The following PLSCR4 variants were observed in gnomAD, a reference collection of about 807,000 sequenced individuals.
The protein encoded by PLSCR4 is Ca(2+)-dependent phospholipid scramblase 4.
Under a neutral mutation model 36.3 loss-of-function variants are expected in PLSCR4, and 25 were observed. The observed-to-expected ratio is 0.69, with a 90% confidence interval of 0.50 to 0.96. PLSCR4 has a LOEUF of 0.96. Among genes scored for constraint, PLSCR4 ranks in the 40% least tolerant of loss-of-function variants. PLSCR4 has a pLI of 0.00. For synonymous variants in PLSCR4, 122 were observed against 132.9 expected (o/e 0.92, Z 0.56); for missense variants, 408 against 414.7 (o/e 0.98, Z 0.14).
intron 1 of PLSCR4, among the ~76,000 whole-genome samples, chr3:146,241,727 G>A (rs1057232017): frequency 5.9e-5 from 9 of 152,040 alleles, no homozygotes; most frequent in Admixed American, 2.0e-4. Flanking sequence ...TATTTTCAAC[G>A]TACGGAACAT....
intron 5 of PLSCR4, among the ~76,000 whole-genome samples, chr3:146,200,455 A>G (rs575345375): frequency 1.3e-5 from 2 of 152,216 alleles, no homozygotes; most frequent in African/African-American, 2.4e-5. Flanking sequence ...CAAACCAAGA[A>G]AAGTCAAAGG....
intron 1 of PLSCR4, among the ~76,000 whole-genome samples, chr3:146,242,201 C>A (rs1296963786): frequency 6.6e-6 from 1 of 152,160 alleles, no homozygotes; most frequent in African/African-American, 2.4e-5. Context: ...CCATGTTGCT[C>A]GGTGGAGCTC....
At chr3:146,210,269 G>C (rs2034549777) in intron 3 of PLSCR4, among the ~76,000 whole-genome samples, 1 of 151,508 alleles carries the variant, frequency 6.6e-6, no homozygotes, top group African/African-American at 2.4e-5. Context: ...CAAATATAGG[G>C]GTCCAACTGT....
At chr3:146,225,947 G>A (rs2035456700) in intron 1 of PLSCR4, among the ~76,000 whole-genome samples, 1 of 152,234 alleles carries the variant, frequency 6.6e-6, no homozygotes, top group Non-Finnish European at 1.5e-5. Flanking sequence ...GGTGCCGAGA[G>A]CGAGGGCTCT....
intron 3 of PLSCR4, among the ~76,000 whole-genome samples, chr3:146,209,407 A>C (rs2108252973): frequency 6.6e-6 from 1 of 152,204 alleles, no homozygotes. Flanking sequence ...GTTCCCCAAA[A>C]TCCTATGGAA....
At chr3:146,208,911 G>A (rs1402256354) in intron 3 of PLSCR4, among the ~76,000 whole-genome samples, 1 of 152,002 alleles carries the variant, frequency 6.6e-6, no homozygotes, top group Non-Finnish European at 1.5e-5. Flanking sequence ...CCACTACTGG[G>A]GTATTTATCC....
chr3:146,202,769 T>C (rs1374234871), intron 4 of PLSCR4, among the ~76,000 whole-genome samples: 2 of 152,078 alleles, frequency 1.3e-5, no homozygotes, highest in Non-Finnish European at 2.9e-5. Flanking sequence ...ATTATATTTG[T>C]GTAGTATTCT....
At chr3:146,200,561 T>C (rs1412645103) in intron 5 of PLSCR4, among the ~76,000 whole-genome samples, 3 of 152,036 alleles carry the variant, frequency 2.0e-5, no homozygotes, top group Non-Finnish European at 4.4e-5. Flanking sequence ...TTGACTGAGA[T>C]CTTTTCTTCT....
chr3:146,192,494 C>G lies in PLSCR4; in HGVS notation c.*1917G>C, dbSNP rs1408668319. 4 of 150,998 alleles carry G rather than the reference C, an allele frequency of 2.6e-5. No homozygotes were observed. In the East Asian group the frequency reaches 7.8e-4, roughly 29 times the overall value. 9.4% of individuals were successfully genotyped at this position (150,998 alleles called of 1,614,324 possible). On this transcript the variant is annotated 3_prime_UTR_variant, in exon 9 of 9. Coordinates refer to ENST00000354952, the MANE Select transcript of PLSCR4 (RefSeq NM_020353.3). ...AGAAATCATGTGAATTGTATTAAAA[C>G]TATGACATATGACAATATTATATAA... is the stretch of plus-strand genomic sequence containing the variant.
intron 1 of PLSCR4, among the ~76,000 whole-genome samples, chr3:146,231,491 T>C (rs1269988660): frequency 3.3e-5 from 5 of 152,170 alleles, no homozygotes; most frequent in Non-Finnish European, 7.4e-5. Context: ...TATATAAGCA[T>C]TCCTTTTTCT....
chr3:146,237,234 A>G (rs2035956175), intron 1 of PLSCR4, among the ~76,000 whole-genome samples: 1 of 152,176 alleles, frequency 6.6e-6, no homozygotes, highest in Admixed American at 6.5e-5. Context: ...GACTAAGAAG[A>G]ATATTTCATA....
At chr3:146,224,991 G>A (rs1184528571) in intron 1 of PLSCR4, among the ~76,000 whole-genome samples, 1 of 146,988 alleles carries the variant, frequency 6.8e-6, no homozygotes, top group Non-Finnish European at 1.5e-5. Flanking sequence ...CACAAACCTT[G>A]AGCTAAACAC....
chr3:146,212,776 C>T (rs182986299), intron 3 of PLSCR4, among the ~76,000 whole-genome samples: 5 of 152,238 alleles, frequency 3.3e-5, no homozygotes, highest in Admixed American at 3.3e-4. Context: ...AAGAAAGATA[C>T]CCTGTCTCAT....
At chr3:146,218,201 A>G in intron 3 of PLSCR4, among the ~76,000 whole-genome samples, 1 of 152,308 alleles carries the variant, frequency 6.6e-6, no homozygotes, top group Non-Finnish European at 1.5e-5. Flanking sequence ...TATGAAGAAT[A>G]TACTTTAATT....
At chr3:146,213,226 T>C (rs2034714217) in intron 3 of PLSCR4, among the ~76,000 whole-genome samples, 1 of 152,164 alleles carries the variant, frequency 6.6e-6, no homozygotes, top group African/African-American at 2.4e-5. Context: ...AATTGGGTAA[T>C]ACTGGCCTCT....
At chr3:146,226,754 G>A (rs1412221361) in intron 1 of PLSCR4, among the ~76,000 whole-genome samples, 1 of 152,028 alleles carries the variant, frequency 6.6e-6, no homozygotes, top group Admixed American at 6.6e-5. Flanking sequence ...ACCATGCCAG[G>A]CATTATTAAG....
At chr3:146,242,275 C>G (rs1250724274) in intron 1 of PLSCR4, among the ~76,000 whole-genome samples, 3 of 152,114 alleles carry the variant, frequency 2.0e-5, no homozygotes, top group Non-Finnish European at 2.9e-5. Context: ...CAGATAAACT[C>G]TGCTGAATTT....
chr3:146,225,856 G>A (rs1368984019), intron 1 of PLSCR4, among the ~76,000 whole-genome samples: 1 of 152,190 alleles, frequency 6.6e-6, no homozygotes, highest in East Asian at 1.9e-4. Flanking sequence ...GCCTTGGCCA[G>A]CCCAGAAAGG....
chr3:146,214,109 A>T, intron 3 of PLSCR4, among the ~76,000 whole-genome samples: 4 of 148,166 alleles, frequency 2.7e-5, no homozygotes, highest in African/African-American at 7.5e-5. Flanking sequence ...TACTGATTTG[A>T]TATCTTCCTT....
Sources: allele counts gnomAD v4.1 joint callset (sites outside exome capture counted in the v4.1 genomes callset), GRCh38; gene constraint gnomAD v4.1.1; transcripts MANE v1.5; gene names NCBI Gene and HGNC (gene_info 2026-07-23, HGNC 2026-07-21).